MARCHF4: variants seen among roughly 807,000 people sequenced by gnomAD.
The protein encoded by MARCHF4 is E3 ubiquitin-protein ligase MARCHF4.
A neutral mutation model predicts 43.9 loss-of-function variants in MARCHF4; 14 were observed. The observed-to-expected ratio is 0.32, with a 90% confidence interval of 0.21 to 0.50. The LOEUF (loss-of-function observed/expected upper bound fraction) is 0.50. MARCHF4 is among the 20% of genes least tolerant of loss of function. The probability of loss-of-function intolerance (pLI) is 0.98; values close to 1 mark genes in which losing one functional copy is unlikely to be tolerated. For synonymous variants in MARCHF4, 226 were observed against 213.3 expected, an observed-to-expected ratio of 1.06 and a Z score of -0.52; for missense variants, 468 against 536.7, an observed-to-expected ratio of 0.87 and a Z score of 1.27.
intron 1 of MARCHF4, among the ~76,000 whole-genome samples, chr2:216,363,990 C>G (rs1330900285): frequency 6.6e-6 from 1 of 152,138 alleles, no homozygotes; most frequent in African/African-American, 2.4e-5. Flanking sequence ...AATTCCAACT[C>G]CCGAGCTCAG....
rs563305324 is a variant in MARCHF4 at position 216,258,954 on chromosome 2, G to T, written c.*358C>A. ...TTTCCTCTTGGCCCCCTTGGCCTCC[G>T]GCACTGCCACAGTCACACAGGCTTT... On this transcript the variant is annotated 3_prime_UTR_variant, in exon 4 of 4. Coordinates refer to ENST00000273067, the MANE Select transcript of MARCHF4 (RefSeq NM_020814.3). 5.6e-6 allele frequency: 1 copy of T among 180,136 alleles called. No individual in the cohort carries two copies. 11.2% of individuals were successfully genotyped at this position (180,136 alleles called of 1,614,324 possible). A position where few individuals can be genotyped will look rare whatever the true frequency, so the allele number is the denominator to read the frequency against.
rs967680674 is a variant in MARCHF4, at chr2:216,365,265, T to G, written c.516+4480A>C. 2.6e-5 allele frequency among the ~76,000 whole-genome samples: 4 copies of G among 152,216 alleles called. No homozygotes were observed. The East Asian group carries it at 7.7e-4, about 29-fold the overall frequency. On this transcript the variant is annotated intron_variant, in intron 1 of 3. Transcript: ENST00000273067. The stretch of plus-strand genomic sequence containing the variant: ...GACTACTCTATACAATTATTGCCCC[T>G]TCTGAATGCAGAACTCCAGGGAAGC...
rs748119953 is a variant in MARCHF4 at position 216,259,516 on chromosome 2, A to ATTG, written c.1026_1028dup (p.Asn343dup). 1 of 1,614,058 alleles carries ATTG rather than the reference A, an allele frequency of 6.2e-7. No individual in the cohort carries two copies. Among genetic ancestry groups the ATTG allele is most frequent in the East Asian group, 2.2e-5 (1 of 44,862 alleles). On this transcript the variant is annotated inframe_insertion, in exon 4 of 4. Transcript: ENST00000273067. ...CGGTCTCCTCTTCCGAGGAGGGGATATTGGCCTGGGTGGATGAGGAGGTCC... is the reference window on the plus strand; with the variant it reads ...CGGTCTCCTCTTCCGAGGAGGGGATATTGTTGGCCTGGGTGGATGAGGAGGTCC...
intron 1 of MARCHF4, among the ~76,000 whole-genome samples, chr2:216,363,876 G>A (rs1338204078): frequency 1.3e-5 from 2 of 152,182 alleles, no homozygotes; most frequent in East Asian, 1.9e-4. Flanking sequence ...ACTGGGCCTG[G>A]ATGTCCTGAG....
intron 1 of MARCHF4, among the ~76,000 whole-genome samples, chr2:216,286,258 G>T (rs1691216482): frequency 6.6e-6 from 1 of 152,208 alleles, no homozygotes; most frequent in African/African-American, 2.4e-5. Context: ...AGCAAGGATG[G>T]TCCAGGTGCA....
At chr2:216,268,797 G>A (rs2105933702) in intron 3 of MARCHF4, among the ~76,000 whole-genome samples, 1 of 152,270 alleles carries the variant, frequency 6.6e-6, no homozygotes, top group Admixed American at 6.5e-5. Flanking sequence ...GGTTTTACAG[G>A]TAGAGTCATT....
Position 216,369,799 on chromosome 2 carries a change from C to A in MARCHF4, c.462G>T (p.Leu154Phe). 1 of 1,612,982 alleles carries A rather than the reference C, an allele frequency of 6.2e-7. No homozygotes were observed. Among genetic ancestry groups the A allele is most frequent in the Non-Finnish European group, 8.5e-7 (1 of 1,179,496 alleles). ...TEDRYSLGSS[L>F]DSGMRTPLCR... ...AGAGTGGGGTCCTCATACCACTGTC[C>A]AAGCTGCTGCCCAGTGAGTAGCGAT... The change falls in exon 1 of 4, where the codon TTG becomes TTT. Residue 154 changes from leucine to phenylalanine, a missense_variant. By Grantham distance (22) the Leu-to-Phe change is conservative (BLOSUM62 0). This residue lies in a region of MARCHF4 where 158 missense variants were observed against 251.1 expected (regional missense o/e 0.63). Transcript: ENST00000273067.
chr2:216,328,129 G>C (rs890283739), intron 1 of MARCHF4, among the ~76,000 whole-genome samples: 8 of 152,242 alleles, frequency 5.3e-5, no homozygotes, highest in East Asian at 3.9e-4. Context: ...ATACCTGCAA[G>C]ACAGGAAAGG....
chr2:216,319,427 A>C (rs1691843906), intron 1 of MARCHF4, among the ~76,000 whole-genome samples: 1 of 152,122 alleles, frequency 6.6e-6, no homozygotes, highest in Non-Finnish European at 1.5e-5. Flanking sequence ...ACACTCATAA[A>C]TGCTCGTGGA....
chr2:216,267,667 G>A (rs1000647227), intron 3 of MARCHF4, among the ~76,000 whole-genome samples: 1 of 152,058 alleles, frequency 6.6e-6, no homozygotes, highest in Non-Finnish European at 1.5e-5. Context: ...GCTTGATGGC[G>A]TGTTTCATAT....
chr2:216,288,680 AGAGGCAG>A (rs896278463), intron 1 of MARCHF4, among the ~76,000 whole-genome samples: 6 of 152,168 alleles, frequency 3.9e-5, no homozygotes, highest in African/African-American at 1.2e-4. Flanking sequence ...GGGTCGTGCT[AGAGGCAG>A]GAGGCAGGAG....
chr2:216,328,233 G>A (rs971316750), intron 1 of MARCHF4, among the ~76,000 whole-genome samples: 11 of 152,104 alleles, frequency 7.2e-5, no homozygotes, highest in Admixed American at 2.0e-4. Context: ...GCAATGGCGC[G>A]ATCTTGGCTC....
intron 1 of MARCHF4, among the ~76,000 whole-genome samples, chr2:216,319,143 A>G (rs1456658445): frequency 6.6e-6 from 1 of 152,092 alleles, no homozygotes; most frequent in Non-Finnish European, 1.5e-5. Context: ...CCCTGTTTCT[A>G]CTAAAAATAC....
chr2:216,272,871 A>T (rs1450445046), intron 3 of MARCHF4, among the ~76,000 whole-genome samples: 1 of 152,244 alleles, frequency 6.6e-6, no homozygotes, highest in East Asian at 1.9e-4. Flanking sequence ...TAAAGACATC[A>T]TCCTCAACTC....
intron 1 of MARCHF4, among the ~76,000 whole-genome samples, chr2:216,331,982 T>C (rs1378127447): frequency 6.6e-6 from 1 of 152,060 alleles, no homozygotes; most frequent in Admixed American, 6.5e-5. Flanking sequence ...AATAAAACAA[T>C]AAAAACAAAT....
In MARCHF4 at chr2:216,367,137, G is replaced by A. The variant is rs114530264; in HGVS notation, c.516+2608C>T. On this transcript the variant is annotated intron_variant, in intron 1 of 3. Transcript: ENST00000273067. ...TTGGGGTGATGGGGAGCAGGGAGGT[G>A]GGGGTCTGCTTAATTCCTTTGTTTG... Among the ~76,000 whole-genome samples, 1,294 of 152,230 alleles carry A rather than the reference G, an allele frequency of 8.5e-3. 9 individuals are homozygous for A. The highest frequency in any genetic ancestry group is 0.027 in the Middle Eastern group (8 of 294).
rs562323453 is a variant in MARCHF4, at chr2:216,285,630, GAGA to G, written c.517-1904_517-1902del. ...AGGTAGGCAGCCACCTCCTGGAGAG[GAGA>G]AGAAGAGGCTGGAGATGCCCACGTT... On this transcript the variant is annotated intron_variant, in intron 1 of 3. Transcript: ENST00000273067. Among the ~76,000 whole-genome samples the G allele has an allele frequency of 3.2e-4, 48 of 152,360 alleles. No individual in the cohort carries two copies. The South Asian group carries it at 9.3e-3, about 30-fold the overall frequency.
chr2:216,351,706 T>A (rs1692407016), intron 1 of MARCHF4, among the ~76,000 whole-genome samples: 1 of 152,110 alleles, frequency 6.6e-6, no homozygotes, highest in African/African-American at 2.4e-5. Flanking sequence ...TAGCACAGCA[T>A]CTATGCCTGA....
intron 1 of MARCHF4, among the ~76,000 whole-genome samples, chr2:216,348,721 C>T (rs370388830): frequency 1.3e-5 from 2 of 152,304 alleles, no homozygotes; most frequent in East Asian, 1.9e-4. Flanking sequence ...ACTCTATGGA[C>T]TTGCCCTGAA....
Sources: gnomAD v4.1 joint callset for allele counts (sites outside exome capture counted in the v4.1 genomes callset) on GRCh38, gnomAD v4.1.1 for gene constraint, gnomAD v4.1.1 regional missense constraint, MANE v1.5 for transcripts, NCBI Gene and HGNC (gene_info 2026-07-23, HGNC 2026-07-21) for gene names.